MAPK4: variants seen among roughly 807,000 people sequenced by gnomAD.
The protein encoded by MAPK4 is mitogen-activated protein kinase 4.
In MAPK4, 22 loss-of-function variants were observed where a neutral mutation model predicts 47.7. The ratio of observed to expected loss-of-function variants is 0.46; its 90% CI spans 0.33 to 0.66. MAPK4 has a LOEUF of 0.66. Ranked by LOEUF, MAPK4 falls within the 30% of genes least tolerant of loss-of-function variation. The probability of loss-of-function intolerance (pLI) is 0.02; values close to 1 mark genes in which losing one functional copy is unlikely to be tolerated. For synonymous variants in MAPK4, 390 were observed against 365.7 expected (o/e 1.07, Z -0.76); for missense variants, 736 against 831.7 (o/e 0.88, Z 1.42).
At chr18:50,597,365 G>A (rs986216260) in intron 1 of MAPK4, among the ~76,000 whole-genome samples, 1 of 152,200 alleles carries the variant, frequency 6.6e-6, no homozygotes, top group African/African-American at 2.4e-5. Context: ...CCAGCGGCCA[G>A]TCCTGAATGA....
At chr18:50,641,910 G>A (rs1237868362) in intron 1 of MAPK4, among the ~76,000 whole-genome samples, 1 of 152,148 alleles carries the variant, frequency 6.6e-6, no homozygotes, top group Admixed American at 6.5e-5. Context: ...CTCCTCATAT[G>A]TACTTGGTTT....
chr18:50,633,357 G>A (rs1033524863), intron 1 of MAPK4, among the ~76,000 whole-genome samples: 3 of 152,184 alleles, frequency 2.0e-5, no homozygotes, highest in Non-Finnish European at 4.4e-5. Context: ...TCCCACCCTC[G>A]CTGGACCCAG....
At chr18:50,610,410 G>T (rs1312500524) in intron 1 of MAPK4, among the ~76,000 whole-genome samples, 1 of 152,218 alleles carries the variant, frequency 6.6e-6, no homozygotes, top group African/African-American at 2.4e-5. Flanking sequence ...TACCTCTGAG[G>T]GGTATGGTGA....
intron 5 of MAPK4, 148 bp from the exon 6 acceptor site, chr18:50,729,010 G>A (rs1911358750): frequency 4.4e-6 from 3 of 678,134 alleles, no homozygotes; most frequent in South Asian, 2.1e-5. Flanking sequence ...CCCAAGGCTC[G>A]CCATTACCTG....
chr18:50,660,646 A>C (rs1215596329), intron 1 of MAPK4, among the ~76,000 whole-genome samples: 1 of 152,234 alleles, frequency 6.6e-6, no homozygotes, highest in Admixed American at 6.5e-5. Flanking sequence ...ACAGGAGTTT[A>C]GAAAAGGGAG....
At chr18:50,619,709 TC>T (rs1229008229) in intron 1 of MAPK4, among the ~76,000 whole-genome samples, 2 of 152,236 alleles carry the variant, frequency 1.3e-5, no homozygotes, top group Non-Finnish European at 2.9e-5. Flanking sequence ...CTGCGTCTTT[TC>T]AGTAAGACTT....
chr18:50,688,807 T>C (rs1909034079), intron 2 of MAPK4, among the ~76,000 whole-genome samples: 1 of 145,874 alleles, frequency 6.9e-6, no homozygotes, highest in African/African-American at 2.6e-5. Flanking sequence ...AGGTGATGGG[T>C]GCACCAAAAT....
intron 2 of MAPK4, among the ~76,000 whole-genome samples, chr18:50,688,894 A>AG (rs1450647497): frequency 4.0e-5 from 6 of 150,404 alleles, no homozygotes; most frequent in Non-Finnish European, 7.4e-5. Context: ...GGAAATAAAA[A>AG]AAAAAAAAAA....
At chr18:50,579,064 G>T (rs1405077771) in intron 1 of MAPK4, among the ~76,000 whole-genome samples, 2 of 152,194 alleles carry the variant, frequency 1.3e-5, no homozygotes, top group South Asian at 2.1e-4. Context: ...TGGACAGGCA[G>T]GCAGAGACTG....
chr18:50,582,341 C>T (rs2149363222), intron 1 of MAPK4, among the ~76,000 whole-genome samples: 1 of 152,322 alleles, frequency 6.6e-6, no homozygotes, highest in East Asian at 1.9e-4. Flanking sequence ...TACCACCTAT[C>T]CCCACCCTAG....
intron 1 of MAPK4, among the ~76,000 whole-genome samples, chr18:50,658,337 G>A (rs144224098): frequency 2.6e-5 from 4 of 152,250 alleles, no homozygotes; most frequent in African/African-American, 4.8e-5. Context: ...AGAGTCACTC[G>A]CTGGGGCTGA....
chr18:50,730,745 G>A lies in MAPK4; in HGVS notation c.*891G>A, dbSNP rs1448275929. ...CCCACTGGGCGTCCTACCCCAGTGA[G>A]GTTGAAGGCACCAATTCCAAGAATC... On this transcript the variant is annotated 3_prime_UTR_variant, in exon 6 of 6. Transcript: ENST00000400384. The A allele has an allele frequency of 6.6e-6, 1 of 152,402 alleles. No homozygotes were observed. The highest frequency in any genetic ancestry group is 2.4e-5 in the African/African-American group (1 of 41,344). The allele number at this position is 152,402 out of a possible 1,614,324, so 9.4% of individuals were successfully genotyped here. A position where few individuals can be genotyped will look rare whatever the true frequency, so the allele number is the denominator to read the frequency against.
At chr18:50,638,341 T>C (rs1454670272) in intron 1 of MAPK4, among the ~76,000 whole-genome samples, 1 of 152,220 alleles carries the variant, frequency 6.6e-6, no homozygotes, top group Non-Finnish European at 1.5e-5. Flanking sequence ...GCATGACATA[T>C]TTTATCCAAG....
At chr18:50,640,713 G>A (rs975116263) in intron 1 of MAPK4, among the ~76,000 whole-genome samples, 9 of 152,214 alleles carry the variant, frequency 5.9e-5, no homozygotes, top group Admixed American at 5.2e-4. Flanking sequence ...TGATCCACCC[G>A]CCTTGGCCTA....
At chr18:50,613,811 A>C (rs1164173243) in intron 1 of MAPK4, among the ~76,000 whole-genome samples, 1 of 152,182 alleles carries the variant, frequency 6.6e-6, no homozygotes, top group Non-Finnish European at 1.5e-5. Flanking sequence ...GTGGGCTCTG[A>C]CTTATCTAGG....
intron 1 of MAPK4, among the ~76,000 whole-genome samples, chr18:50,645,330 G>A (rs1316178131): frequency 6.6e-6 from 1 of 152,128 alleles, no homozygotes; most frequent in African/African-American, 2.4e-5. Flanking sequence ...TGACAGCTGC[G>A]ATTAAAGATA....
chr18:50,567,786 G>A (rs1205094144), intron 1 of MAPK4, among the ~76,000 whole-genome samples: 2 of 150,250 alleles, frequency 1.3e-5, no homozygotes, highest in African/African-American at 4.9e-5. Context: ...TGTTGTTGTT[G>A]TTGTTTTGGT....
At chr18:50,598,093 C>G (rs2042500687) in intron 1 of MAPK4, among the ~76,000 whole-genome samples, 1 of 152,180 alleles carries the variant, frequency 6.6e-6, no homozygotes. Context: ...CTTCACGGCC[C>G]CTCCAACCAC....
At chr18:50,608,425 TATCATCTG>T (rs1469025790) in intron 1 of MAPK4, among the ~76,000 whole-genome samples, 3 of 152,218 alleles carry the variant, frequency 2.0e-5, no homozygotes, top group African/African-American at 7.2e-5. Context: ...TCTTGTTGTT[TATCATCTG>T]AGAGTGTCAT....
Sources: gnomAD v4.1 joint callset for allele counts (sites outside exome capture counted in the v4.1 genomes callset) on GRCh38, gnomAD v4.1.1 for gene constraint, MANE v1.5 for transcripts, NCBI Gene and HGNC (gene_info 2026-07-23, HGNC 2026-07-21) for gene names.